XIRP2: variants seen among roughly 807,000 people sequenced by gnomAD.
XIRP2 encodes the protein xin actin binding repeat containing 2, also known as xin actin-binding repeat-containing protein 2.
XIRP2 carries 236 observed loss-of-function variants against 277.0 expected under a neutral mutation model. The ratio of observed to expected loss-of-function variants is 0.85; its 90% CI spans 0.77 to 0.95. The LOEUF (loss-of-function observed/expected upper bound fraction) is 0.95, where lower values mean the gene tolerates loss of function less well. Among genes scored for constraint, XIRP2 ranks in the 40% least tolerant of loss-of-function variants. The pLI, the probability that XIRP2 is intolerant of heterozygous loss-of-function variation, is 0.00. For synonymous variants in XIRP2, 1,490 were observed against 1,416.5 expected (o/e 1.05, Z -1.17); for missense variants, 4,640 against 4,157.5 (o/e 1.12, Z -3.19).
At chr2:167,194,163 C>A (rs561419756) in intron 3 of XIRP2, among the ~76,000 whole-genome samples, 4 of 151,638 alleles carry the variant, frequency 2.6e-5, no homozygotes, top group Admixed American at 2.0e-4. Flanking sequence ...CTCACTGCAA[C>A]CTCCGCCTCC....
intron 5 of XIRP2, among the ~76,000 whole-genome samples, chr2:167,223,775 C>G (rs1694503258): frequency 6.6e-6 from 1 of 152,136 alleles, no homozygotes. Context: ...AAGAATGTAT[C>G]TTGTATTGTC....
chr2:166,939,679 C>CAAAAAAAAAAAAAAAAAA (rs138977006), intron 2 of XIRP2, among the ~76,000 whole-genome samples: 1 of 90,664 alleles, frequency 1.1e-5, no homozygotes, highest in African/African-American at 5.1e-5. Context: ...GACTCCATCA[C>CAAAAAAAAAAAAAAAAAA]AAAAAAAAAA....
At chr2:167,096,671 C>CTT in intron 2 of XIRP2, among the ~76,000 whole-genome samples, 1 of 152,132 alleles carries the variant, frequency 6.6e-6, no homozygotes, top group African/African-American at 2.4e-5. Flanking sequence ...TTCCTACTTT[C>CTT]TCCTGTGGGC....
chr2:167,008,660 T>A (rs1687570677), intron 2 of XIRP2, among the ~76,000 whole-genome samples: 1 of 151,676 alleles, frequency 6.6e-6, no homozygotes, highest in African/African-American at 2.4e-5. Flanking sequence ...AGACAATACA[T>A]TGTTGACATA....
chr2:167,151,698 T>C (rs1321431091), intron 3 of XIRP2, among the ~76,000 whole-genome samples: 2 of 152,066 alleles, frequency 1.3e-5, no homozygotes, highest in African/African-American at 4.8e-5. Context: ...TAAAACGAAA[T>C]GAAAACGCTT....
At chr2:167,253,688 T>A (rs1695578360) in intron 9 of XIRP2, among the ~76,000 whole-genome samples, 1 of 151,602 alleles carries the variant, frequency 6.6e-6, no homozygotes, top group African/African-American at 2.4e-5. Context: ...TTTATATGTA[T>A]ATATATATAA....
At chr2:167,114,043 C>G (rs951334267) in intron 2 of XIRP2, among the ~76,000 whole-genome samples, 30 of 152,124 alleles carry the variant, frequency 2.0e-4, no homozygotes, top group Non-Finnish European at 2.9e-4. Context: ...CCTCTTCTTT[C>G]TAGCTGCCTT....
At chr2:166,892,979 T>TACAC (rs572313151) in intron 1 of XIRP2, among the ~76,000 whole-genome samples, 3,330 of 145,896 alleles carry the variant, frequency 0.023, 139 homozygotes, top group African/African-American at 0.076. Flanking sequence ...TATATATGTA[T>TACAC]ATACACACAC....
chr2:167,115,243 A>G lies in XIRP2; in HGVS notation c.409-20666A>G, dbSNP rs116343227. 5.8e-3 allele frequency among the ~76,000 whole-genome samples: 887 copies of G among 152,290 alleles called. 2 individuals carry two copies. The highest frequency in any genetic ancestry group is 9.9e-3 in the Non-Finnish European group (673 of 68,022). ...CTTTTGTATAATTGCTATTTTGCCT[A>G]TCAGCTCCTGTATCATTTTGCTGTG... On this transcript the variant is annotated intron_variant, in intron 2 of 10. Transcript: ENST00000409195.
At chr2:167,106,579 A>C (rs1690625206) in intron 2 of XIRP2, among the ~76,000 whole-genome samples, 1 of 151,720 alleles carries the variant, frequency 6.6e-6, no homozygotes, top group Non-Finnish European at 1.5e-5. Flanking sequence ...TGATTACTAT[A>C]GCTATATAAA....
At chr2:167,170,666 C>G (rs1411231361) in intron 3 of XIRP2, among the ~76,000 whole-genome samples, 1 of 151,898 alleles carries the variant, frequency 6.6e-6, no homozygotes, top group Non-Finnish European at 1.5e-5. Context: ...ATATTTCAGT[C>G]CTACTACTGA....
At chr2:167,036,566 T>C (rs1688512246) in intron 2 of XIRP2, among the ~76,000 whole-genome samples, 1 of 152,204 alleles carries the variant, frequency 6.6e-6, no homozygotes, top group African/African-American at 2.4e-5. Context: ...GCTTTGATTT[T>C]ACAGGCTCAT....
At chr2:167,040,115 T>C (rs1688623500) in intron 2 of XIRP2, among the ~76,000 whole-genome samples, 3 of 151,930 alleles carry the variant, frequency 2.0e-5, no homozygotes. Context: ...CATTTTGTAA[T>C]GTTCAACAGC....
chr2:166,951,352 G>A (rs567201157), intron 2 of XIRP2, among the ~76,000 whole-genome samples: 1 of 151,952 alleles, frequency 6.6e-6, no homozygotes, highest in African/African-American at 2.4e-5. Context: ...CATGGTGGAA[G>A]GCAAAGAGGG....
chr2:167,093,021 G>C (rs892335090), intron 2 of XIRP2, among the ~76,000 whole-genome samples: 1 of 152,032 alleles, frequency 6.6e-6, no homozygotes, highest in Non-Finnish European at 1.5e-5. Context: ...AACCATATTC[G>C]TGGAAATAGG....
In XIRP2 at chr2:167,258,321, A is replaced by G. The variant is rs1695723375; in HGVS notation, c.*504A>G. 6.2e-7 allele frequency: 1 copy of G among 1,613,438 alleles called. No individual in the cohort carries two copies. The highest frequency in any genetic ancestry group is 8.5e-7 in the Non-Finnish European group (1 of 1,179,658). On this transcript the variant is annotated 3_prime_UTR_variant, in exon 11 of 11. Transcript: ENST00000409195. ...GTTAGAACTCCAGAAAATAAAGGAC[A>G]AAGACAAGATCACTTTCCATTTTTG...
intron 2 of XIRP2, among the ~76,000 whole-genome samples, chr2:166,994,463 A>G (rs1687149545): frequency 7.5e-6 from 1 of 132,578 alleles, no homozygotes; most frequent in Non-Finnish European, 1.6e-5. Context: ...TGTACCCTAA[A>G]ACTTAGAGTA....
At chr2:167,153,901 T>A (rs1692101266) in intron 3 of XIRP2, among the ~76,000 whole-genome samples, 1 of 151,444 alleles carries the variant, frequency 6.6e-6, no homozygotes, top group South Asian at 2.1e-4. Context: ...CAGCATGATT[T>A]ATAGTCCTTT....
intron 3 of XIRP2, among the ~76,000 whole-genome samples, chr2:167,149,551 G>A (rs1159277020): frequency 1.3e-5 from 2 of 152,112 alleles, no homozygotes; most frequent in Non-Finnish European, 2.9e-5. Context: ...CGGTGAATTA[G>A]TACTTAGGCA....
Sources: allele counts gnomAD v4.1 joint callset (sites outside exome capture counted in the v4.1 genomes callset), GRCh38; gene constraint gnomAD v4.1.1; transcripts MANE v1.5; gene names NCBI Gene and HGNC (gene_info 2026-07-23, HGNC 2026-07-21).